The following GREM2 variants were observed in gnomAD, a reference collection of about 807,000 sequenced individuals.
GREM2 encodes the protein gremlin-2.
A neutral mutation model predicts 14.2 loss-of-function variants in GREM2; 11 were observed. The observed-to-expected ratio is 0.78, with a 90% confidence interval of 0.49 to 1.28. GREM2 has a LOEUF of 1.28. Ranked by LOEUF, GREM2 falls within the 50% of genes most tolerant of loss-of-function variation. The pLI is 0.00. For synonymous variants in GREM2, 98 were observed against 97.6 expected, an observed-to-expected ratio of 1.00 and a Z score of -0.02; for missense variants, 210 against 218.5, an observed-to-expected ratio of 0.96 and a Z score of 0.24.
At chr1:240,562,943 TGA>T (rs201877696) in intron 1 of GREM2, among the ~76,000 whole-genome samples, 5,921 of 146,198 alleles carry the variant, frequency 0.04, 326 homozygotes, top group African/African-American at 0.13. Context: ...TGTGAGTGTG[TGA>T]GTGTGTATGT....
chr1:240,525,759 G>A (rs926325578), intron 1 of GREM2, among the ~76,000 whole-genome samples: 3 of 152,136 alleles, frequency 2.0e-5, no homozygotes, highest in Admixed American at 1.3e-4. Context: ...GATTACAGGC[G>A]TGAGCCACCG....
At chr1:240,536,416 A>G (rs1302676064) in intron 1 of GREM2, among the ~76,000 whole-genome samples, 1 of 152,218 alleles carries the variant, frequency 6.6e-6, no homozygotes, top group Non-Finnish European at 1.5e-5. Context: ...CTAACCCTAA[A>G]GAAAATGTGC....
At chr1:240,602,012 T>C (rs1053781984) in intron 1 of GREM2, among the ~76,000 whole-genome samples, 1 of 152,130 alleles carries the variant, frequency 6.6e-6, no homozygotes, top group Non-Finnish European at 1.5e-5. Flanking sequence ...ACTTTTCCTT[T>C]CAGCAAAAGC....
At chr1:240,590,994 C>T (rs188927083) in intron 1 of GREM2, among the ~76,000 whole-genome samples, 1 of 151,086 alleles carries the variant, frequency 6.6e-6, no homozygotes, top group African/African-American at 2.4e-5. Context: ...GTTGGCCAGG[C>T]TGGTCTCAAA....
chr1:240,574,571 G>T (rs551036265), intron 1 of GREM2, among the ~76,000 whole-genome samples: 13 of 152,292 alleles, frequency 8.5e-5, no homozygotes, highest in African/African-American at 3.1e-4. Context: ...GGCATTTGCA[G>T]ATGGGTTAAG....
At chr1:240,577,133 G>A (rs1471025098) in intron 1 of GREM2, among the ~76,000 whole-genome samples, 1 of 152,118 alleles carries the variant, frequency 6.6e-6, no homozygotes, top group Non-Finnish European at 1.5e-5. Context: ...ACCAAGTCAT[G>A]CAAAGCAAGG....
At chr1:240,528,632 C>T (rs553360429) in intron 1 of GREM2, among the ~76,000 whole-genome samples, 7 of 152,280 alleles carry the variant, frequency 4.6e-5, no homozygotes, top group Admixed American at 2.6e-4. Flanking sequence ...CATGCCCATT[C>T]TCACTGTGCT....
chr1:240,525,412 A>G (rs1678198715), intron 1 of GREM2, among the ~76,000 whole-genome samples: 1 of 152,134 alleles, frequency 6.6e-6, no homozygotes, highest in South Asian at 2.1e-4. Flanking sequence ...CTACTTGTGC[A>G]ACCTGTAATC....
intron 1 of GREM2, among the ~76,000 whole-genome samples, chr1:240,510,095 T>A (rs187166534): frequency 2.0e-5 from 3 of 151,910 alleles, no homozygotes; most frequent in African/African-American, 7.3e-5. Context: ...GTAGGCCGGG[T>A]GCGGTGGCTC....
chr1:240,575,847 C>A (rs1052868566), intron 1 of GREM2, among the ~76,000 whole-genome samples: 5 of 139,514 alleles, frequency 3.6e-5, no homozygotes, highest in Non-Finnish European at 7.6e-5. Context: ...ACAAAGCTTA[C>A]ATAGAAGGAG....
intron 1 of GREM2, among the ~76,000 whole-genome samples, chr1:240,575,407 G>T (rs1187126063): frequency 3.3e-5 from 5 of 151,894 alleles, no homozygotes; most frequent in Admixed American, 6.6e-5. Context: ...TGGGGGGTGG[G>T]GGTGTCACTA....
At chr1:240,530,312 T>C (rs1678322249) in intron 1 of GREM2, 1 of 152,152 alleles carries the variant, frequency 6.6e-6, no homozygotes, top group Non-Finnish European at 1.5e-5. Context: ...TGGAGAAGTA[T>C]CTCACTGGAC....
intron 1 of GREM2, among the ~76,000 whole-genome samples, chr1:240,589,771 T>C (rs140200110): frequency 1.0e-3 from 157 of 152,150 alleles, no homozygotes; most frequent in Non-Finnish European, 2.1e-3. Context: ...AGGCAGAGTG[T>C]GGTAAGCACT....
At chr1:240,530,592 A>G (rs1373582220) in intron 1 of GREM2, 1 of 152,208 alleles carries the variant, frequency 6.6e-6, no homozygotes, top group East Asian at 1.9e-4. Flanking sequence ...AATTCAAAGG[A>G]ATTACATAGA....
At chr1:240,593,851 T>G (rs895161876) in intron 1 of GREM2, among the ~76,000 whole-genome samples, 1 of 152,032 alleles carries the variant, frequency 6.6e-6, no homozygotes, top group African/African-American at 2.4e-5. Flanking sequence ...TTCTTTGCTC[T>G]GCAATGGCCT....
At chr1:240,554,757 T>C (rs1678920954) in intron 1 of GREM2, among the ~76,000 whole-genome samples, 2 of 152,228 alleles carry the variant, frequency 1.3e-5, no homozygotes, top group Non-Finnish European at 2.9e-5. Flanking sequence ...AATTACAACA[T>C]GTTTTCCTTC....
intron 1 of GREM2, among the ~76,000 whole-genome samples, chr1:240,546,960 C>T (rs1329648912): frequency 1.3e-5 from 2 of 151,838 alleles, no homozygotes; most frequent in Admixed American, 6.6e-5. Flanking sequence ...AGAGAATAGA[C>T]GATTAGTGCT....
At chr1:240,563,977 A>G (rs1487017357) in intron 1 of GREM2, among the ~76,000 whole-genome samples, 4 of 152,128 alleles carry the variant, frequency 2.6e-5, no homozygotes, top group Admixed American at 6.6e-5. Context: ...TGGGAGACCA[A>G]AGTGGAAGGA....
intron 1 of GREM2, among the ~76,000 whole-genome samples, chr1:240,525,745 T>C (rs190610725): frequency 9.3e-4 from 141 of 152,242 alleles, no homozygotes; most frequent in African/African-American, 3.3e-3. Flanking sequence ...TCCCAAAATG[T>C]TGCGATTACA....
Sources: gnomAD v4.1 joint callset for allele counts (sites outside exome capture counted in the v4.1 genomes callset) on GRCh38, gnomAD v4.1.1 for gene constraint, MANE v1.5 for transcripts, NCBI Gene and HGNC (gene_info 2026-07-23, HGNC 2026-07-21) for gene names.